The following ZNF548 variants were observed in gnomAD, a reference collection of about 807,000 sequenced individuals.
ZNF548 encodes the protein zinc finger protein 548.
In ZNF548, 10 loss-of-function variants were observed where a neutral mutation model predicts 10.2. The ratio of observed to expected loss-of-function variants is 0.98; its 90% confidence interval spans 0.60 to 1.66. The LOEUF (loss-of-function observed/expected upper bound fraction) is 1.66. Ranked by LOEUF, ZNF548 falls within the 40% of genes most tolerant of loss-of-function variation. The pLI, the probability that ZNF548 is intolerant of heterozygous loss-of-function variation, is 0.00. For synonymous variants in ZNF548, 217 were observed against 223.5 expected (o/e 0.97, Z 0.26); for missense variants, 599 against 657.0 (o/e 0.91, Z 0.97).
rs767861947 is a variant in ZNF548 at position 57,399,344 on chromosome 19, A to G, written c.1093A>G (p.Ile365Val). The change falls in exon 4 of 4, where the codon ATT (isoleucine) becomes GTT (valine). Residue 365 changes from isoleucine to valine, a missense_variant. Coordinates refer to ENST00000336128, the MANE Select transcript of ZNF548 (RefSeq NM_001172773.2). This position sits in a 1 kb window ranked among gnomAD's most constrained non-coding sequence, Gnocchi z 4.0. ...GKFFRYISTL[I>V]RHQRIHTGER... Reference sequence around the variant, plus strand: ...ATTTTTTAGGTATATCTCCACACTCATTAGACATCAGAGAATTCACACTGG... The same window carrying G: ...ATTTTTTAGGTATATCTCCACACTCGTTAGACATCAGAGAATTCACACTGG... 1.9e-6 allele frequency: 3 copies of G among 1,613,992 alleles called. No homozygotes were observed. Among genetic ancestry groups the G allele is most frequent in the Non-Finnish European group, 2.5e-6 (3 of 1,179,974 alleles).
intron 2 of ZNF548, among the ~76,000 whole-genome samples, chr19:57,396,432 G>A (rs1389790326): frequency 6.6e-6 from 1 of 152,224 alleles, no homozygotes; most frequent in East Asian, 1.9e-4. Flanking sequence ...CCACCTGGAT[G>A]TGGTTTCTCT....
intron 3 of ZNF548, 163 bp downstream of exon 3, chr19:57,397,337 A>T: frequency 9.0e-7 from 1 of 1,115,194 alleles, no homozygotes; most frequent in Non-Finnish European, 1.2e-6. Flanking sequence ...TGTGTTTTAT[A>T]CCCCCTTTTT....
chr19:57,392,967 A>T (rs2088637493), intron 1 of ZNF548: 9 of 985,652 alleles, frequency 9.1e-6, no homozygotes, highest in South Asian at 4.7e-5. Flanking sequence ...ATGGCCTGGG[A>T]TGGAGGCTGA....
chr19:57,398,210 T>C (rs2088680891), intron 3 of ZNF548, among the ~76,000 whole-genome samples: 1 of 152,200 alleles, frequency 6.6e-6, no homozygotes, highest in Non-Finnish European at 1.5e-5. Context: ...CTCTGTACCA[T>C]ACCCCTCCCT....
At chr19:57,396,276 G>A in intron 2 of ZNF548, among the ~76,000 whole-genome samples, 1 of 152,192 alleles carries the variant, frequency 6.6e-6, no homozygotes, top group Non-Finnish European at 1.5e-5. Flanking sequence ...GGCAAGATCT[G>A]GGTGACTCCA....
In ZNF548 at chr19:57,401,586, G is replaced by C. The variant is rs892981338; in HGVS notation, c.*1697G>C. ...AATCAGTCCCCCACAGACACCAAGGGATGACTGTAGTGCATTTTATCTATT... is the reference window on the plus strand; with the variant it reads ...AATCAGTCCCCCACAGACACCAAGGCATGACTGTAGTGCATTTTATCTATT... On this transcript the variant is annotated 3_prime_UTR_variant, in exon 4 of 4. Coordinates refer to ENST00000336128, the MANE Select transcript of ZNF548 (RefSeq NM_001172773.2). 1 of 152,038 alleles carries C rather than the reference G, an allele frequency of 6.6e-6. No individual in the cohort carries two copies. Among genetic ancestry groups the C allele is most frequent in the African/African-American group, 2.4e-5 (1 of 41,378 alleles). 9.4% of individuals were successfully genotyped at this position (152,038 alleles called of 1,614,324 possible).
In ZNF548 at chr19:57,399,126, C is replaced by CT. The variant is rs1309894697; in HGVS notation, c.877dup (p.Tyr293LeufsTer2). 1 of 1,614,190 alleles carries CT rather than the reference C, an allele frequency of 6.2e-7. No homozygotes were observed. Among genetic ancestry groups the CT allele is most frequent in the East Asian group, 2.2e-5 (1 of 44,884 alleles). On this transcript the variant is annotated frameshift_variant, in exon 4 of 4. Coordinates refer to ENST00000336128, the MANE Select transcript of ZNF548 (RefSeq NM_001172773.2). LOFTEE classifies it low-confidence loss of function (END_TRUNC). This position sits in a 1 kb window ranked among gnomAD's most constrained non-coding sequence, Gnocchi z 4.0. ...AAGCGAGTTCACACTGGAGAAAGGC[C>CT]TTATGAGTGCAACACATGTGGGAAA... is the stretch of plus-strand genomic sequence containing the variant.
In ZNF548 at chr19:57,399,441, G is replaced by T; in HGVS notation, c.1190G>T (p.Arg397Ile). 2 of 1,614,046 alleles carry T rather than the reference G, an allele frequency of 1.2e-6. No homozygotes were observed. Among genetic ancestry groups the T allele is most frequent in the Non-Finnish European group, 8.5e-7 (1 of 1,179,998 alleles). The change falls in exon 4 of 4, where the codon AGA becomes ATA. Residue 397 changes from arginine to isoleucine, a missense_variant. Transcript: ENST00000336128. This position sits in a 1 kb window ranked among gnomAD's most constrained non-coding sequence, Gnocchi z 4.0. ...AACTCCAGCCTTGTTAAACATTGGA[G>T]AAATCACACTGGAGAAAGGCCTTAT... ...RYNSSLVKHW[R>I]NHTGERPYKC... is the part of the protein sequence containing the mutation.
chr19:57,394,667 G>T (rs1394597046), intron 2 of ZNF548, among the ~76,000 whole-genome samples: 1 of 152,162 alleles, frequency 6.6e-6, no homozygotes, highest in African/African-American at 2.4e-5. Context: ...CAGTTTAAGA[G>T]ACTTTCTTTG....
Position 57,397,111 on chromosome 19 carries a change from G to T in ZNF548, c.115G>T (p.Glu39Ter). The T allele has an allele frequency of 6.2e-7, 1 of 1,613,822 alleles. No individual in the cohort carries two copies. The highest frequency in any genetic ancestry group is 8.5e-7 in the Non-Finnish European group (1 of 1,179,804). The change falls in exon 3 of 4, where the codon GAG becomes TAG. Residue 39 changes from glutamate to a stop codon, truncating the protein, a stop_gained. Coordinates refer to ENST00000336128, the MANE Select transcript of ZNF548 (RefSeq NM_001172773.2). LOFTEE classifies it high-confidence loss of function. ...FSQEEWGHLD[E>*]AQRLLYRDVM... ...CCAGGAGGAGTGGGGGCACCTTGAT[G>T]AGGCTCAGAGATTGCTGTACCGTGA...
rs1253763091 is a variant in ZNF548 at position 57,395,471 on chromosome 19, T to G, written c.51+1248T>G. Among the ~76,000 whole-genome samples the G allele has an allele frequency of 6.6e-6, 1 of 152,042 alleles. No individual in the cohort carries two copies. The highest frequency in any genetic ancestry group is 1.5e-5 in the Non-Finnish European group (1 of 68,008). ...TAACCAACTCACAGTTCTTCAGGCT[T>G]AACAGGAAGCATAACTGGGAGGCCT... On this transcript the variant is annotated intron_variant, in intron 2 of 3. Coordinates refer to ENST00000336128, the MANE Select transcript of ZNF548 (RefSeq NM_001172773.2). The surrounding 1 kb of genome is among the most constrained non-coding windows in gnomAD (Gnocchi z 4.8).
At position 57,400,049 on chromosome 19, in the gene ZNF548, A is replaced by G. The variant is rs1158101044; in HGVS notation, c.*160A>G. The G allele has an allele frequency of 1.7e-6, 1 of 601,986 alleles. No homozygotes were observed. Among genetic ancestry groups the G allele is most frequent in the African/African-American group, 1.8e-5 (1 of 54,082 alleles). The allele number at this position is 601,986 out of a possible 1,614,324, so 37.3% of individuals were successfully genotyped here. A position where few individuals can be genotyped will look rare whatever the true frequency, so the allele number is the denominator to read the frequency against. ...AGAAATGTCTCAACTATATTTCTAT[A>G]CTCTATGGTACTTATATGAGGTACC... is the stretch of plus-strand genomic sequence containing the variant. On this transcript the variant is annotated 3_prime_UTR_variant, in exon 4 of 4. Coordinates refer to ENST00000336128, the MANE Select transcript of ZNF548 (RefSeq NM_001172773.2).
chr19:57,395,183 G>C lies in ZNF548; in HGVS notation c.51+960G>C, dbSNP rs1248056699. Among the ~76,000 whole-genome samples the C allele has an allele frequency of 6.6e-6, 1 of 151,920 alleles. No individual in the cohort carries two copies. The highest frequency in any genetic ancestry group is 1.9e-4 in the East Asian group (1 of 5,186). ...ACTGGGTCTCTTACTGGGTAGCTGT[G>C]CAGTGGTGGAGGAGTCACTAGACAA... On this transcript the variant is annotated intron_variant, in intron 2 of 3. Coordinates refer to ENST00000336128, the MANE Select transcript of ZNF548 (RefSeq NM_001172773.2). This position sits in a 1 kb window ranked among gnomAD's most constrained non-coding sequence, Gnocchi z 4.8.
intron 1 of ZNF548, 84 bp downstream of exon 1, chr19:57,390,198 C>T: frequency 6.7e-7 from 1 of 1,501,670 alleles, no homozygotes; most frequent in Non-Finnish European, 9.0e-7. Flanking sequence ...GGTCAGGCCC[C>T]TTGTCCCGAA....
At position 57,399,170 on chromosome 19, in the gene ZNF548, A is replaced by G; in HGVS notation, c.919A>G (p.Thr307Ala). The change falls in exon 4 of 4, where the codon ACA becomes GCA. Residue 307 changes from threonine (T) to alanine (A), a missense_variant. Thr to Ala is a moderately conservative substitution (Grantham distance 58). Coordinates refer to ENST00000336128, the MANE Select transcript of ZNF548 (RefSeq NM_001172773.2). The surrounding 1 kb of genome is among the most constrained non-coding windows in gnomAD (Gnocchi z 4.0). ...TGGGAAATTCTTTCGGTACAGCTCC[A>G]CATTTGTTAGACATCAGAGAGTTCA... ...TCGKFFRYSS[T>A]FVRHQRVHTG... 6.2e-7 allele frequency: 1 copy of G among 1,614,142 alleles called. No individual in the cohort carries two copies. Among genetic ancestry groups the G allele is most frequent in the African/African-American group, 1.3e-5 (1 of 75,016 alleles).
chr19:57,391,863 G>A (rs181510557), intron 1 of ZNF548, among the ~76,000 whole-genome samples: 2 of 132,610 alleles, frequency 1.5e-5, no homozygotes, highest in Admixed American at 1.9e-4. Context: ...GCGCGATCTC[G>A]GCTCACTGCA....
intron 3 of ZNF548, 152 bp downstream of exon 3, chr19:57,397,326 G>A (rs376119624): frequency 2.6e-5 from 32 of 1,243,394 alleles, no homozygotes; most frequent in Admixed American, 1.0e-4. Context: ...GGGCTGGGCC[G>A]TGTGTTTTAT....
In ZNF548 at chr19:57,399,320, T is replaced by G; in HGVS notation, c.1069T>G (p.Phe357Val). Residue 357 changes from phenylalanine (F) to valine (V), a missense_variant, in exon 4 of 4, where the codon TTT (phenylalanine) becomes GTT (valine). By Grantham distance (50) the Phe-to-Val change is conservative (BLOSUM62 -1). Coordinates refer to ENST00000336128, the MANE Select transcript of ZNF548 (RefSeq NM_001172773.2). This position sits in a 1 kb window ranked among gnomAD's most constrained non-coding sequence, Gnocchi z 4.0. ...RPYKCNDCGK[F>V]FRYISTLIRH... ...TTATAAGTGCAATGATTGTGGGAAA[T>G]TTTTTAGGTATATCTCCACACTCAT... 2 of 1,613,920 alleles carry G rather than the reference T, an allele frequency of 1.2e-6. No homozygotes were observed. Among genetic ancestry groups the G allele is most frequent in the Non-Finnish European group, 1.7e-6 (2 of 1,179,878 alleles).
At chr19:57,391,532 A>G (rs1466050802) in intron 1 of ZNF548, among the ~76,000 whole-genome samples, 1 of 152,106 alleles carries the variant, frequency 6.6e-6, no homozygotes, top group Admixed American at 6.6e-5. Flanking sequence ...TATTTGAAAA[A>G]TCTTCATACT....
Sources: gnomAD v4.1 joint callset for allele counts (sites outside exome capture counted in the v4.1 genomes callset) on GRCh38, gnomAD v4.1.1 for gene constraint, Gnocchi (gnomAD v3.1) non-coding constraint, MANE v1.5 for transcripts, NCBI Gene and HGNC (gene_info 2026-07-23, HGNC 2026-07-21) for gene names.